MXRA8: variants seen among roughly 807,000 people sequenced by gnomAD.
The protein encoded by MXRA8 is matrix remodeling-associated protein 8.
In MXRA8, 44 loss-of-function variants were observed where a neutral mutation model predicts 51.4. The ratio of observed to expected loss-of-function variants is 0.86; its 90% CI spans 0.67 to 1.10. The LOEUF is 1.10. Among genes scored for constraint, MXRA8 ranks in the 50% least tolerant of loss-of-function variants. MXRA8 has a pLI of 0.00. For missense variants in MXRA8, 765 were observed against 638.9 expected, an observed-to-expected ratio of 1.20 and a Z score of -2.13; for synonymous variants, 369 against 293.5, an observed-to-expected ratio of 1.26 and a Z score of -2.63.
chr1:1,356,117 G>A (rs1644124449), intron 2 of MXRA8, among the ~76,000 whole-genome samples: 1 of 93,616 alleles, frequency 1.1e-5, no homozygotes, highest in South Asian at 4.5e-4. Flanking sequence ...GTGGGCCCCT[G>A]AGGCCCCTCG....
rs1184752051 is a variant in MXRA8, at chr1:1,354,192, C to T, written c.1145+1G>A. 5 of 1,612,612 alleles carry T rather than the reference C, an allele frequency of 3.1e-6. No homozygotes were observed. The highest frequency in any genetic ancestry group is 1.1e-5 in the South Asian group (1 of 91,086). On this transcript the variant is annotated splice_donor_variant, in intron 7 of 9. Transcript: ENST00000309212. LOFTEE classifies it high-confidence loss of function. ...AGGAGGGCCGGGAGGGGGGCACTCA[C>T]CCCTTTGACTTTCCCGACTTCTGGT...
rs376767401 is a variant in MXRA8 at position 1,354,762 on chromosome 1, G to A, written c.869C>T (p.Thr290Met). Residue 290 changes from threonine (T) to methionine (M), a missense_variant, in exon 5 of 10, where the codon ACG (threonine) becomes ATG (methionine). Physicochemically the swap from Thr to Met is moderately conservative, Grantham distance 81 (BLOSUM62 -1). Transcript: ENST00000309212. ...CGGCTCCGCGTGGGGTTCGGCGACC[G>A]TCAGGTGGAAGACGCGGCGTTCGTG... ...GLHERRVFHL[T>M]VAEPHAEPPP... The A allele has an allele frequency of 2.5e-6, 4 of 1,611,444 alleles. No individual in the cohort carries two copies. The highest frequency in any genetic ancestry group is 3.4e-6 in the Non-Finnish European group (4 of 1,179,482).
chr1:1,354,761 C>T lies in MXRA8; in HGVS notation c.870G>A (p.Thr290=). Residue 290 remains threonine, a synonymous_variant, in exon 5 of 10, where the codon ACG becomes ACA. Coordinates refer to ENST00000309212, the MANE Select transcript of MXRA8 (RefSeq NM_032348.4). ...GLHERRVFHL[T]VAEPHAEPPP... is the part of the protein sequence containing the mutation. The stretch of plus-strand genomic sequence containing the variant: ...GCGGCTCCGCGTGGGGTTCGGCGAC[C>T]GTCAGGTGGAAGACGCGGCGTTCGT... 1.2e-6 allele frequency: 2 copies of T among 1,611,534 alleles called. No individual in the cohort carries two copies. The highest frequency in any genetic ancestry group is 4.5e-5 in the East Asian group (2 of 44,816).
rs1410723018 is a variant in MXRA8 at position 1,353,543 on chromosome 1, C to G, written c.*61G>C. On this transcript the variant is annotated 3_prime_UTR_variant, in exon 10 of 10. Coordinates refer to ENST00000309212, the MANE Select transcript of MXRA8 (RefSeq NM_032348.4). ...GTGAGCCCCGGAGCATCAGGAGATG[C>G]CCCGAGGAGCACAGACAGGAGAGGT... 6.5e-7 allele frequency: 1 copy of G among 1,539,414 alleles called. No individual in the cohort carries two copies. The highest frequency in any genetic ancestry group is 8.8e-7 in the Non-Finnish European group (1 of 1,142,582).
chr1:1,353,806 G>A (rs61766227), intron 9 of MXRA8, 42 bp downstream of exon 9: 4 of 1,535,684 alleles, frequency 2.6e-6, no homozygotes, highest in Non-Finnish European at 3.5e-6. Flanking sequence ...AATGGGGACA[G>A]GCAGGGCTCT....
intron 1 of MXRA8, 58 bp downstream of exon 1, chr1:1,358,398 C>T (rs1377724717): frequency 1.4e-5 from 22 of 1,543,458 alleles, no homozygotes; most frequent in Middle Eastern, 3.4e-4. Flanking sequence ...TTGTCCGAAA[C>T]GGACTCGCAC....
chr1:1,356,110 G>A (rs1644124229), intron 2 of MXRA8, among the ~76,000 whole-genome samples: 1 of 92,336 alleles, frequency 1.1e-5, no homozygotes, highest in South Asian at 4.7e-4. Flanking sequence ...GGGGGGTGTG[G>A]GCCCCTGAGG....
chr1:1,354,399 G>T lies in MXRA8; in HGVS notation c.1060C>A (p.Leu354Met). 6.2e-7 allele frequency: 1 copy of T among 1,612,386 alleles called. No homozygotes were observed. The highest frequency in any genetic ancestry group is 1.7e-4 in the Middle Eastern group (1 of 6,060). Reference sequence around the variant, plus strand: ...GCCAGGAGGACAGTGACCAGTAGCAGGATGAAGAGCAGCAGCGTGGCCAGC... The same window carrying T: ...GCCAGGAGGACAGTGACCAGTAGCATGATGAAGAGCAGCAGCGTGGCCAGC... The part of the protein sequence containing the change: ...YVLATLLLFI[L>M]LLVTVLLAAR... The change falls in exon 6 of 10, where the codon CTG (leucine) becomes ATG (methionine). Residue 354 changes from leucine to methionine, a missense_variant. Physicochemically the swap from Leu to Met is conservative, Grantham distance 15. Transcript: ENST00000309212.
chr1:1,359,120 G>A (rs1176784773), upstream of MXRA8: 47 of 985,294 alleles, frequency 4.8e-5, no homozygotes, highest in Admixed American at 6.1e-5. Context: ...GATGATGGAC[G>A]CTGCCAGTCA....
chr1:1,352,879 G>A lies in MXRA8; in HGVS notation c.*725C>T, dbSNP rs1801570. On this transcript the variant is annotated 3_prime_UTR_variant, in exon 10 of 10. Coordinates refer to ENST00000309212, the MANE Select transcript of MXRA8 (RefSeq NM_032348.4). ...CCCAGGCAGAGTCCAAGGGAGGGGTGTCAGGGTCAGAAGTCACAGGGAGCC... is the reference window on the plus strand; with the variant it reads ...CCCAGGCAGAGTCCAAGGGAGGGGTATCAGGGTCAGAAGTCACAGGGAGCC... 2 of 285,744 alleles carry A rather than the reference G, an allele frequency of 7.0e-6. No individual in the cohort carries two copies. Among genetic ancestry groups the A allele is most frequent in the Non-Finnish European group, 1.3e-5 (2 of 149,578 alleles). 17.7% of individuals were successfully genotyped at this position (285,744 alleles called of 1,614,324 possible).
chr1:1,354,633 C>G (rs1448940327), intron 5 of MXRA8, 49 bp downstream of exon 5: 3 of 1,540,278 alleles, frequency 1.9e-6, no homozygotes, highest in East Asian at 2.3e-5. Context: ...GAGCAACCCC[C>G]GGTGGGGTGG....
chr1:1,360,510 T>A (rs989712875), upstream of MXRA8, among the ~76,000 whole-genome samples: 617 of 29,460 alleles, frequency 0.021, 9 homozygotes, highest in African/African-American at 0.046. Flanking sequence ...TGGGGGGTGG[T>A]CTGCAGAGCT....
At chr1:1,360,097 G>A (rs1051988316), upstream of MXRA8, among the ~76,000 whole-genome samples, 13 of 152,220 alleles carry the variant, frequency 8.5e-5, no homozygotes, top group African/African-American at 2.9e-4. Context: ...GGGAGGGCCC[G>A]GCTCTGGGTG....
chr1:1,359,249 C>T (rs1644190203), upstream of MXRA8: 3 of 985,368 alleles, frequency 3.0e-6, no homozygotes, highest in African/African-American at 1.7e-5. Context: ...TGGGGCTGCC[C>T]GCCTTTAGGG....
upstream of MXRA8, chr1:1,361,197 GACAC>G (rs747194002): frequency 1.1e-5 from 8 of 703,076 alleles, no homozygotes; most frequent in South Asian, 3.0e-5. Flanking sequence ...CAGAAACAGA[GACAC>G]ACACAGACAC....
upstream of MXRA8, chr1:1,361,479 A>G (rs956215116): frequency 6.8e-6 from 4 of 587,328 alleles, no homozygotes; most frequent in Non-Finnish European, 1.2e-5. Context: ...GGACGGACCC[A>G]AGGAAGCAAC....
At chr1:1,358,745 G>C (rs1369844690), upstream of MXRA8, 12 of 1,339,462 alleles carry the variant, frequency 9.0e-6, no homozygotes, top group East Asian at 2.7e-4. Context: ...GTCAGGCCTG[G>C]GGAGGGGTGG....
rs758043292 is a variant in MXRA8, at chr1:1,355,552, A to T, written c.274T>A (p.Tyr92Asn). The T allele has an allele frequency of 1.1e-4, 168 of 1,491,094 alleles. No individual in the cohort carries two copies. Among genetic ancestry groups the T allele is most frequent in the Non-Finnish European group, 1.4e-4 (163 of 1,129,518 alleles). 92.4% of individuals were successfully genotyped at this position (1,491,094 alleles called of 1,614,324 possible). A position where few individuals can be genotyped will look rare whatever the true frequency, so the allele number is the denominator to read the frequency against. Residue 92 changes from tyrosine (Y) to asparagine (N), a missense_variant, in exon 3 of 10, where the codon TAC becomes AAC. Transcript: ENST00000309212. ...GGPARRLLDLYSAGEQRVYEA... is the reference protein window; with the variant it reads ...GGPARRLLDLNSAGEQRVYEA... ...TACACGCGCTGCTCGCCCGCCGAGT[A>T]CAAGTCCAGCAGGCGCCGCGCGGGG...
upstream of MXRA8, chr1:1,359,457 A>G (rs548428823): frequency 1.0e-4 from 102 of 985,432 alleles, no homozygotes; most frequent in Non-Finnish European, 1.2e-4. Context: ...AAGAAAAAAC[A>G]ATCTGAACAA....
Sources: allele counts gnomAD v4.1 joint callset (sites outside exome capture counted in the v4.1 genomes callset), GRCh38; gene constraint gnomAD v4.1.1; transcripts MANE v1.5; gene names NCBI Gene and HGNC (gene_info 2026-07-23, HGNC 2026-07-21).